NRP1: variants seen among roughly 807,000 people sequenced by gnomAD.
The protein encoded by NRP1 is neuropilin-1.
Under a neutral mutation model 106.7 loss-of-function variants are expected in NRP1, and 35 were observed. That is an observed-to-expected ratio of 0.33 (90% CI 0.25 to 0.43). NRP1 has a LOEUF of 0.43. Among genes scored for constraint, NRP1 ranks in the 20% least tolerant of loss-of-function variants. The pLI is 1.00. For synonymous variants in NRP1, 437 were observed against 417.9 expected, an observed-to-expected ratio of 1.05 and a Z score of -0.56; for missense variants, 1,024 against 1,170.4, an observed-to-expected ratio of 0.87 and a Z score of 1.83.
chr10:33,179,970 T>G lies in NRP1; in HGVS notation c.*106A>C. ...TCCTGAGAAAAGCCTGGCTCAGTGG[T>G]CATCAACACACTTCCCAGCCTGTAT... On this transcript the variant is annotated 3_prime_UTR_variant, in exon 17 of 17. Coordinates refer to ENST00000374867, the MANE Select transcript of NRP1 (RefSeq NM_003873.7). The G allele has an allele frequency of 8.6e-7, 1 of 1,165,360 alleles. No individual in the cohort carries two copies. The highest frequency in any genetic ancestry group is 1.2e-6 in the Non-Finnish European group (1 of 807,622). 72.2% of individuals were successfully genotyped at this position (1,165,360 alleles called of 1,614,324 possible). A position where few individuals can be genotyped will look rare whatever the true frequency, so the allele number is the denominator to read the frequency against.
At chr10:33,270,296 T>C (rs993778030) in intron 3 of NRP1, among the ~76,000 whole-genome samples, 1 of 152,164 alleles carries the variant, frequency 6.6e-6, no homozygotes, top group African/African-American at 2.4e-5. Flanking sequence ...CTTTTCACTT[T>C]GTCTTTCGTG....
In NRP1 at chr10:33,307,639, C is replaced by G. The variant is rs117223419; in HGVS notation, c.248+23069G>C. 8.0e-3 allele frequency among the ~76,000 whole-genome samples: 1,214 copies of G among 152,254 alleles called. 9 individuals are homozygous for G. Among genetic ancestry groups the G allele is most frequent in the Non-Finnish European group, 0.012 (831 of 68,008 alleles). On this transcript the variant is annotated intron_variant, in intron 2 of 16. Transcript: ENST00000374867. ...ATTCTTTAGTTCAGCAACCACACTT[C>G]TAGAAATCTCTTCTAAAGAAATCCC...
intron 3 of NRP1, among the ~76,000 whole-genome samples, chr10:33,268,770 T>C (rs902982734): frequency 6.6e-6 from 1 of 152,220 alleles, no homozygotes; most frequent in African/African-American, 2.4e-5. Context: ...ATATGACTTC[T>C]ATAACAAGTC....
chr10:33,318,390 C>T (rs1847190916), intron 2 of NRP1, among the ~76,000 whole-genome samples: 1 of 152,148 alleles, frequency 6.6e-6, no homozygotes, highest in Admixed American at 6.5e-5. Flanking sequence ...CACCAGAACT[C>T]TTTTTCACAG....
intron 2 of NRP1, among the ~76,000 whole-genome samples, chr10:33,289,050 A>T (rs1399363545): frequency 6.6e-6 from 1 of 152,172 alleles, no homozygotes; most frequent in Non-Finnish European, 1.5e-5. Flanking sequence ...AAACTAAAAC[A>T]ACCACCGCAT....
chr10:33,228,327 T>TCGC lies in NRP1; in HGVS notation c.982-2041_982-2039dup, dbSNP rs200041095. 4.6e-5 allele frequency among the ~76,000 whole-genome samples: 7 copies of TCGC among 152,170 alleles called. No homozygotes were observed. In the East Asian group the frequency reaches 1.3e-3, roughly 29 times the overall value. ...GCAGACGCCGCAGTGAGCTGAGATCTCGCCACCGCACTCCAGCCTGGGTGA... is the reference window on the plus strand; with the variant it reads ...GCAGACGCCGCAGTGAGCTGAGATCTCGCCGCCACCGCACTCCAGCCTGGGTGA... On this transcript the variant is annotated intron_variant, in intron 6 of 16. Transcript: ENST00000374867.
At position 33,213,292 on chromosome 10, in the gene NRP1, G is replaced by A. The variant is rs1437754678; in HGVS notation, c.1614+94C>T. On this transcript the variant is annotated intron_variant, in intron 9 of 16. Coordinates refer to ENST00000374867, the MANE Select transcript of NRP1 (RefSeq NM_003873.7). ...ACCTCCTCTAATGTCATGGCTGGAA[G>A]GAAATAAGAAGCCCTTCCTCGGGAG... 6 of 1,613,762 alleles carry A rather than the reference G, an allele frequency of 3.7e-6. No homozygotes were observed. In the Admixed American group the frequency reaches 5.0e-5, roughly 13 times the overall value.
At chr10:33,281,636 C>T (rs999660938) in intron 2 of NRP1, among the ~76,000 whole-genome samples, 5 of 152,176 alleles carry the variant, frequency 3.3e-5, no homozygotes, top group African/African-American at 1.2e-4. Flanking sequence ...TGTCCTCACA[C>T]TGCCACTGAC....
intron 1 of NRP1, 29 bp from the exon 2 acceptor site, chr10:33,330,911 C>A (rs1848239707): frequency 1.3e-6 from 2 of 1,564,314 alleles, no homozygotes; most frequent in Non-Finnish European, 1.7e-6. Context: ...TTTAGCAGAT[C>A]TTTCCTGACA....
At chr10:33,271,610 A>C (rs1413656916) in intron 2 of NRP1, among the ~76,000 whole-genome samples, 1 of 152,246 alleles carries the variant, frequency 6.6e-6, no homozygotes, top group African/African-American at 2.4e-5. Context: ...GAAACGCTTG[A>C]TACCACAAAA....
At chr10:33,257,555 G>T (rs1166297184) in intron 4 of NRP1, among the ~76,000 whole-genome samples, 1 of 152,146 alleles carries the variant, frequency 6.6e-6, no homozygotes, top group Non-Finnish European at 1.5e-5. Context: ...GACCCAGGAG[G>T]TGGAGGTTGC....
At chr10:33,311,060 T>C (rs1452361620) in intron 2 of NRP1, among the ~76,000 whole-genome samples, 7 of 152,196 alleles carry the variant, frequency 4.6e-5, no homozygotes, top group East Asian at 1.9e-4. Context: ...AAGGGGTTGA[T>C]TGGGACCTAG....
intron 2 of NRP1, among the ~76,000 whole-genome samples, chr10:33,275,128 C>T (rs765043494): frequency 9.9e-5 from 15 of 152,144 alleles, no homozygotes; most frequent in Non-Finnish European, 1.5e-4. Flanking sequence ...ACACTAGAGT[C>T]GTCCCCTAAT....
At chr10:33,237,222 G>A (rs1840629000) in intron 6 of NRP1, among the ~76,000 whole-genome samples, 1 of 152,150 alleles carries the variant, frequency 6.6e-6, no homozygotes, top group African/African-American at 2.4e-5. Flanking sequence ...CTGTATGCCA[G>A]GATCTGGAAG....
chr10:33,224,763 A>T (rs1839528419), intron 7 of NRP1, among the ~76,000 whole-genome samples: 1 of 151,996 alleles, frequency 6.6e-6, no homozygotes. Context: ...TGTTCCCTGC[A>T]ATGCATCCAT....
At chr10:33,199,697 C>G (rs1435550982) in intron 11 of NRP1, among the ~76,000 whole-genome samples, 1 of 152,004 alleles carries the variant, frequency 6.6e-6, no homozygotes, top group African/African-American at 2.4e-5. Flanking sequence ...CCTGTTATGT[C>G]CAGATACAGT....
intron 15 of NRP1, 85 bp from the exon 16 acceptor site, chr10:33,182,833 GCACACA>G (rs148435065): frequency 1.4e-3 from 1,061 of 745,434 alleles, no homozygotes; most frequent in African/African-American, 2.2e-3. Context: ...TTAGGTACAT[GCACACA>G]CACACACACA....
In NRP1 at chr10:33,186,460, A is replaced by G; in HGVS notation, c.2091T>C (p.Ala697=). 6.2e-7 allele frequency: 1 copy of G among 1,613,648 alleles called. No individual in the cohort carries two copies. The highest frequency in any genetic ancestry group is 8.5e-7 in the Non-Finnish European group (1 of 1,179,742). Residue 697 remains alanine, a synonymous_variant, in exon 14 of 17, where the codon GCT becomes GCC. Coordinates refer to ENST00000374867, the MANE Select transcript of NRP1 (RefSeq NM_003873.7). ...CCACTTTGCCCTTCTGATTTTCGTC[A>G]GCTTGGGAATAGATGAAGTTGCCAT... ...TGDGNFIYSQ[A]DENQKGKVAR...
intron 6 of NRP1, among the ~76,000 whole-genome samples, chr10:33,242,670 G>A (rs1289173463): frequency 6.6e-6 from 1 of 152,120 alleles, no homozygotes; most frequent in Non-Finnish European, 1.5e-5. Context: ...CACTGGAAAT[G>A]TGTATTTTAT....
Sources: gnomAD v4.1 joint callset for allele counts (sites outside exome capture counted in the v4.1 genomes callset) on GRCh38, gnomAD v4.1.1 for gene constraint, MANE v1.5 for transcripts, NCBI Gene and HGNC (gene_info 2026-07-23, HGNC 2026-07-21) for gene names.